The following CERS6 variants were observed in gnomAD, a reference collection of about 807,000 sequenced individuals.
CERS6 encodes the protein LAG1 homolog, ceramide synthase 6.
CERS6 carries 26 observed loss-of-function variants against 56.8 expected under a neutral mutation model. The ratio of observed to expected loss-of-function variants is 0.46; its 90% CI spans 0.34 to 0.63. The LOEUF is 0.63. CERS6 is among the 30% of genes least tolerant of loss of function. The pLI is 0.01. For synonymous variants in CERS6, 164 were observed against 173.3 expected, an observed-to-expected ratio of 0.95 and a Z score of 0.42; for missense variants, 415 against 467.5, an observed-to-expected ratio of 0.89 and a Z score of 1.04.
chr2:168,586,039 A>C (rs1330366933), intron 3 of CERS6, among the ~76,000 whole-genome samples: 1 of 152,128 alleles, frequency 6.6e-6, no homozygotes, highest in Non-Finnish European at 1.5e-5. Flanking sequence ...GCTGGAGTAC[A>C]GTGGCATAAT....
intron 4 of CERS6, among the ~76,000 whole-genome samples, chr2:168,634,953 TAAG>T (rs750274652): frequency 2.6e-5 from 4 of 152,222 alleles, no homozygotes; most frequent in Non-Finnish European, 4.4e-5. Flanking sequence ...TGCAATGAGA[TAAG>T]AAGCTTGCAC....
chr2:168,639,795 A>C (rs115887895), intron 4 of CERS6, among the ~76,000 whole-genome samples: 22 of 152,294 alleles, frequency 1.4e-4, no homozygotes, highest in African/African-American at 5.1e-4. Flanking sequence ...ACTCTAGTTC[A>C]GGGAGTATCT....
At chr2:168,652,575 TAA>T (rs35961972) in intron 4 of CERS6, among the ~76,000 whole-genome samples, 4,042 of 139,036 alleles carry the variant, frequency 0.029, 180 homozygotes, top group African/African-American at 0.096. Context: ...AAAAAAGTGT[TAA>T]AAAAAAAAAA....
chr2:168,558,497 G>A (rs1333895343), intron 2 of CERS6, among the ~76,000 whole-genome samples: 1 of 152,184 alleles, frequency 6.6e-6, no homozygotes, highest in Non-Finnish European at 1.5e-5. Context: ...AATGTCTGTA[G>A]TATGCAACTA....
chr2:168,707,879 G>A lies in CERS6; in HGVS notation c.610-7122G>A, dbSNP rs537081387. 2.0e-5 allele frequency among the ~76,000 whole-genome samples: 3 copies of A among 152,160 alleles called. No individual in the cohort carries two copies. In the South Asian group the frequency reaches 6.2e-4, roughly 32 times the overall value. On this transcript the variant is annotated intron_variant, in intron 6 of 9. Transcript: ENST00000305747. The stretch of plus-strand genomic sequence containing the variant: ...CCAAATTATTAAAGCTTTAGAAGTT[G>A]TACTGCTATTTATTCTAGAAACCAC...
At chr2:168,547,754 C>T (rs760932846) in intron 2 of CERS6, 53 bp downstream of exon 2, 7 of 1,228,552 alleles carry the variant, frequency 5.7e-6, no homozygotes, top group Non-Finnish European at 7.2e-6. Context: ...CATTCTCAGC[C>T]TGCTGTCATT....
intron 8 of CERS6, among the ~76,000 whole-genome samples, chr2:168,721,243 G>A (rs1687358211): frequency 6.6e-6 from 1 of 152,114 alleles, no homozygotes; most frequent in South Asian, 2.1e-4. Flanking sequence ...TCAGCTTCCT[G>A]ATGTTTTCAA....
At chr2:168,712,631 T>C (rs1687121431) in intron 6 of CERS6, among the ~76,000 whole-genome samples, 1 of 152,216 alleles carries the variant, frequency 6.6e-6, no homozygotes. Context: ...AAATATCTTT[T>C]TAAATAGTGG....
intron 1 of CERS6, among the ~76,000 whole-genome samples, chr2:168,535,035 G>C (rs540542889): frequency 6.6e-6 from 1 of 152,230 alleles, no homozygotes; most frequent in Admixed American, 6.5e-5. Flanking sequence ...TCGGGGACAC[G>C]TCTTGGGACC....
At position 168,705,847 on chromosome 2, in the gene CERS6, C is replaced by CA. The variant is rs1028054319; in HGVS notation, c.610-9144dup. Among the ~76,000 whole-genome samples the CA allele has an allele frequency of 1.4e-3, 204 of 147,046 alleles. 1 individual carries two copies. Among genetic ancestry groups the CA allele is most frequent in the East Asian group, 2.4e-3 (12 of 5,082 alleles). ...TCTGTTCCAGGGGTTATTGCAACAA[C>CA]AAAAAAAAAATGGAGAGTTAATTCT... On this transcript the variant is annotated intron_variant, in intron 6 of 9. Transcript: ENST00000305747.
intron 8 of CERS6, among the ~76,000 whole-genome samples, chr2:168,728,090 C>G (rs779627166): frequency 6.6e-6 from 1 of 152,170 alleles, no homozygotes; most frequent in Non-Finnish European, 1.5e-5. Flanking sequence ...CTGTTTGTAT[C>G]AGTAAAGTTT....
intron 1 of CERS6, among the ~76,000 whole-genome samples, chr2:168,457,049 C>T (rs1228533866): frequency 1.3e-5 from 2 of 152,230 alleles, no homozygotes; most frequent in Non-Finnish European, 2.9e-5. Flanking sequence ...CAGGAACGTT[C>T]CGGACGCGCG....
chr2:168,683,591 C>T (rs942266427), intron 4 of CERS6, among the ~76,000 whole-genome samples: 5 of 152,310 alleles, frequency 3.3e-5, no homozygotes, highest in Admixed American at 6.5e-5. Flanking sequence ...TCTCTCTCCC[C>T]GTGTGTTGAC....
At chr2:168,607,285 A>G (rs1044147086) in intron 3 of CERS6, among the ~76,000 whole-genome samples, 1 of 152,206 alleles carries the variant, frequency 6.6e-6, no homozygotes, top group Non-Finnish European at 1.5e-5. Context: ...ATGTTGCAAC[A>G]TCTTTCCTTA....
chr2:168,500,429 A>G (rs1334212331), intron 1 of CERS6, among the ~76,000 whole-genome samples: 2 of 152,222 alleles, frequency 1.3e-5, no homozygotes, highest in African/African-American at 2.4e-5. Flanking sequence ...GAAATTGGAA[A>G]AGTCCATGAT....
At chr2:168,704,693 A>G (rs1373475485) in intron 6 of CERS6, among the ~76,000 whole-genome samples, 1 of 151,254 alleles carries the variant, frequency 6.6e-6, no homozygotes, top group Non-Finnish European at 1.5e-5. Flanking sequence ...TGCAACCTCC[A>G]CCTCCCGGGT....
chr2:168,514,919 G>C (rs1200441977), intron 1 of CERS6, among the ~76,000 whole-genome samples: 1 of 152,178 alleles, frequency 6.6e-6, no homozygotes. Context: ...TGACTTTGCA[G>C]CACCATCTGA....
Position 168,666,564 on chromosome 2 carries a change from A to C in CERS6, c.466-24470A>C, listed in dbSNP as rs183381554. 6.4e-3 allele frequency among the ~76,000 whole-genome samples: 973 copies of C among 152,312 alleles called. 10 individuals carry two copies. The highest frequency in any genetic ancestry group is 0.021 in the African/African-American group (877 of 41,568). The stretch of plus-strand genomic sequence containing the variant: ...ATACCACAGTGTATTCATCTGACAG[A>C]CATCTTGGTTGCTTCAATATTTTGG... On this transcript the variant is annotated intron_variant, in intron 4 of 9. Transcript: ENST00000305747.
intron 4 of CERS6, among the ~76,000 whole-genome samples, chr2:168,639,667 T>C (rs1684941581): frequency 6.6e-6 from 1 of 151,812 alleles, no homozygotes; most frequent in South Asian, 2.1e-4. Flanking sequence ...CTTGTCTGGG[T>C]GTGTTTGGGA....
Sources: allele counts gnomAD v4.1 joint callset (sites outside exome capture counted in the v4.1 genomes callset), GRCh38; gene constraint gnomAD v4.1.1; transcripts MANE v1.5; gene names NCBI Gene and HGNC (gene_info 2026-07-23, HGNC 2026-07-21).